The following NAALADL2 variants were observed in gnomAD, a reference collection of about 807,000 sequenced individuals.
NAALADL2 encodes inactive N-acetylated-alpha-linked acidic dipeptidase-like protein 2.
In NAALADL2, 76 loss-of-function variants were observed where a neutral mutation model predicts 87.2. The observed-to-expected ratio is 0.87, with a 90% CI of 0.72 to 1.05. The LOEUF is 1.05. Among genes scored for constraint, NAALADL2 ranks in the 50% least tolerant of loss-of-function variants. The probability of loss-of-function intolerance (pLI) is 0.00; values close to 1 mark genes in which losing one functional copy is unlikely to be tolerated. For synonymous variants in NAALADL2, 354 were observed against 331.0 expected, an observed-to-expected ratio of 1.07 and a Z score of -0.75; for missense variants, 1,089 against 945.8, an observed-to-expected ratio of 1.15 and a Z score of -1.99.
At chr3:175,190,015 G>A (rs965980359) in intron 2 of NAALADL2, among the ~76,000 whole-genome samples, 1 of 152,090 alleles carries the variant, frequency 6.6e-6, no homozygotes, top group Non-Finnish European at 1.5e-5. Flanking sequence ...TGGTGATGGA[G>A]AGATTGGATC....
intron 12 of NAALADL2, among the ~76,000 whole-genome samples, chr3:175,744,466 AC>A (rs1284628306): frequency 2.0e-5 from 3 of 152,240 alleles, no homozygotes; most frequent in Non-Finnish European, 4.4e-5. Context: ...GTGAGGCCAG[AC>A]TTGAGATGTA....
intron 9 of NAALADL2, among the ~76,000 whole-genome samples, chr3:175,557,117 A>C (rs1366459350): frequency 6.6e-6 from 1 of 152,220 alleles, no homozygotes; most frequent in African/African-American, 2.4e-5. Flanking sequence ...GCAAAGACTG[A>C]CCTTCGATAT....
chr3:174,453,944 C>G (rs1024461911), intron 1 of NAALADL2, among the ~76,000 whole-genome samples: 4 of 152,102 alleles, frequency 2.6e-5, no homozygotes, highest in African/African-American at 7.2e-5. Flanking sequence ...CTAAATGCCT[C>G]AATTAAAAGG....
chr3:174,891,771 C>T (rs939003458), intron 1 of NAALADL2, among the ~76,000 whole-genome samples: 11 of 152,044 alleles, frequency 7.2e-5, no homozygotes, highest in Non-Finnish European at 1.5e-4. Context: ...TGAACTTGAC[C>T]CAGAAGCAGT....
intron 3 of NAALADL2, among the ~76,000 whole-genome samples, chr3:174,748,725 G>A (rs1734526748): frequency 6.6e-6 from 1 of 151,992 alleles, no homozygotes; most frequent in African/African-American, 2.4e-5. Flanking sequence ...TAAGAACCAG[G>A]GTGAGCATTT....
chr3:175,667,239 G>GAAAGAAAGAAAGA (rs1553945363), intron 11 of NAALADL2, among the ~76,000 whole-genome samples: 1 of 82,014 alleles, frequency 1.2e-5, no homozygotes, highest in East Asian at 2.9e-4. Flanking sequence ...AAGAAAGAAA[G>GAAAGAAAGAAAGA]AAAAAGAAAG....
intron 10 of NAALADL2, among the ~76,000 whole-genome samples, chr3:175,600,559 A>T: frequency 8.6e-5 from 2 of 23,230 alleles, no homozygotes; most frequent in African/African-American, 1.8e-4. Flanking sequence ...TTTTTTTGAG[A>T]CGGAGTCTCG....
chr3:175,379,611 GC>G (rs1326973180), intron 5 of NAALADL2, among the ~76,000 whole-genome samples: 2 of 150,954 alleles, frequency 1.3e-5, no homozygotes, highest in South Asian at 2.1e-4. Flanking sequence ...TTGGCTCACT[GC>G]AACGTCTGCC....
At chr3:175,569,768 C>A (rs1717745105) in intron 9 of NAALADL2, among the ~76,000 whole-genome samples, 1 of 151,806 alleles carries the variant, frequency 6.6e-6, no homozygotes, top group Non-Finnish European at 1.5e-5. Context: ...AAATACATTT[C>A]TGTTGTTTAA....
chr3:175,167,259 T>A (rs1734136312), intron 2 of NAALADL2, among the ~76,000 whole-genome samples: 1 of 152,056 alleles, frequency 6.6e-6, no homozygotes, highest in African/African-American at 2.4e-5. Flanking sequence ...CAATAACACT[T>A]TATTTACAAA....
chr3:175,639,318 C>CTTT lies in NAALADL2; in HGVS notation c.1896+11950_1896+11952dup, dbSNP rs756214274. Among the ~76,000 whole-genome samples the CTTT allele has an allele frequency of 1.9e-4, 21 of 108,712 alleles. No homozygotes were observed. In the East Asian group the frequency reaches 3.1e-3, roughly 16 times the overall value. The allele number at this position is 108,712 out of a possible 152,430, so 71.3% of individuals were successfully genotyped here. A position where few individuals can be genotyped will look rare whatever the true frequency, so the allele number is the denominator to read the frequency against. On this transcript the variant is annotated intron_variant, in intron 11 of 13. Coordinates refer to ENST00000454872, the MANE Select transcript of NAALADL2 (RefSeq NM_207015.3). ...GCAGTTTTTTTTCAAAAGCGTTATT[C>CTTT]TTTTTTTTTTTTTTTTTTTTGAGAC...
At chr3:175,138,733 A>G (rs2108700930) in intron 2 of NAALADL2, among the ~76,000 whole-genome samples, 1 of 149,090 alleles carries the variant, frequency 6.7e-6, no homozygotes, top group South Asian at 2.1e-4. Flanking sequence ...GCAGGCTCAC[A>G]ACACCATGCC....
intron 9 of NAALADL2, among the ~76,000 whole-genome samples, chr3:175,484,642 C>A (rs1197746775): frequency 6.6e-6 from 1 of 152,094 alleles, no homozygotes; most frequent in African/African-American, 2.4e-5. Context: ...TGTCATTTCA[C>A]AGACATTTTG....
intron 3 of NAALADL2, among the ~76,000 whole-genome samples, chr3:174,793,750 T>C (rs1011427997): frequency 1.3e-5 from 2 of 152,124 alleles, no homozygotes; most frequent in Non-Finnish European, 1.5e-5. Context: ...TAAATAATTC[T>C]ATCAACCAGG....
intron 13 of NAALADL2, among the ~76,000 whole-genome samples, chr3:175,781,229 G>A (rs748009242): frequency 6.6e-6 from 1 of 152,148 alleles, no homozygotes; most frequent in Non-Finnish European, 1.5e-5. Flanking sequence ...TTTTTAATGG[G>A]ATTTTGATGA....
At chr3:174,881,184 T>A (rs2109700402) in intron 1 of NAALADL2, among the ~76,000 whole-genome samples, 1 of 152,230 alleles carries the variant, frequency 6.6e-6, no homozygotes. Context: ...GGAGCTGCCA[T>A]TCAAACCATA....
At chr3:174,547,991 G>T (rs748555471) in intron 1 of NAALADL2, among the ~76,000 whole-genome samples, 3 of 152,166 alleles carry the variant, frequency 2.0e-5, no homozygotes, top group African/African-American at 4.8e-5. Flanking sequence ...TTTATAAATT[G>T]CTGAATGAAA....
chr3:175,239,190 A>C (rs995269807), intron 3 of NAALADL2, among the ~76,000 whole-genome samples: 18 of 152,358 alleles, frequency 1.2e-4, no homozygotes, highest in Non-Finnish European at 2.4e-4. Flanking sequence ...CAGGTGGGTC[A>C]GTAAAAGGGT....
At chr3:174,918,439 C>T (rs1184062683) in intron 1 of NAALADL2, among the ~76,000 whole-genome samples, 2 of 152,152 alleles carry the variant, frequency 1.3e-5, no homozygotes, top group Non-Finnish European at 2.9e-5. Flanking sequence ...TCAAAACTCA[C>T]TGACTTAAAA....
Sources: gnomAD v4.1 joint callset for allele counts (sites outside exome capture counted in the v4.1 genomes callset) on GRCh38, gnomAD v4.1.1 for gene constraint, MANE v1.5 for transcripts, NCBI Gene and HGNC (gene_info 2026-07-23, HGNC 2026-07-21) for gene names.